Variants in GABRB1 observed in about 807,000 individuals in gnomAD.
GABRB1 encodes gamma-aminobutyric acid receptor subunit beta-1.
A neutral mutation model predicts 51.6 loss-of-function variants in GABRB1; 17 were observed. That is an observed-to-expected ratio of 0.33 (90% CI 0.23 to 0.49). The LOEUF is 0.49. GABRB1 is among the 20% of genes least tolerant of loss of function. The pLI is 0.99. For missense variants in GABRB1, 410 were observed against 600.6 expected, an observed-to-expected ratio of 0.68 and a Z score of 3.32; for synonymous variants, 247 against 218.9, an observed-to-expected ratio of 1.13 and a Z score of -1.14.
intron 3 of GABRB1, among the ~76,000 whole-genome samples, chr4:47,055,346 T>C (rs1207201718): frequency 6.6e-6 from 1 of 152,194 alleles, no homozygotes; most frequent in Non-Finnish European, 1.5e-5. Context: ...AACTTAATTA[T>C]GGGTTGGAAT....
At chr4:47,302,042 A>T (rs1724281188) in intron 4 of GABRB1, among the ~76,000 whole-genome samples, 1 of 152,172 alleles carries the variant, frequency 6.6e-6, no homozygotes, top group Admixed American at 6.5e-5. Flanking sequence ...AATATAAAGA[A>T]ATGTAGAGTG....
At chr4:47,401,802 A>G (rs933272850) in intron 5 of GABRB1, among the ~76,000 whole-genome samples, 1 of 63,256 alleles carries the variant, frequency 1.6e-5, no homozygotes, top group Non-Finnish European at 3.7e-5. Flanking sequence ...ATCAAATTCC[A>G]TCTATCTATC....
At chr4:47,256,065 T>C (rs1339078354) in intron 4 of GABRB1, among the ~76,000 whole-genome samples, 1 of 152,204 alleles carries the variant, frequency 6.6e-6, no homozygotes, top group Non-Finnish European at 1.5e-5. Context: ...GTGGGAAATC[T>C]GAAGCCTGGT....
chr4:47,164,281 AG>A (rs762765215), intron 4 of GABRB1, among the ~76,000 whole-genome samples: 187 of 152,218 alleles, frequency 1.2e-3, no homozygotes, highest in Non-Finnish European at 2.3e-3. Context: ...CCTATGTATT[AG>A]GGCATGTTCA....
At chr4:47,033,831 T>C (rs538616099) in intron 3 of GABRB1, among the ~76,000 whole-genome samples, 82 of 152,316 alleles carry the variant, frequency 5.4e-4, no homozygotes, top group African/African-American at 1.9e-3. Context: ...ATGTCTCTGA[T>C]TGTCGTGCTG....
chr4:47,353,675 A>T (rs576970057), intron 5 of GABRB1, among the ~76,000 whole-genome samples: 4 of 152,286 alleles, frequency 2.6e-5, no homozygotes, highest in South Asian at 2.1e-4. Flanking sequence ...TTTATTTTTC[A>T]TCAGGCATAC....
At chr4:47,029,604 A>G (rs1417218448), upstream of GABRB1, among the ~76,000 whole-genome samples, 2 of 152,026 alleles carry the variant, frequency 1.3e-5, no homozygotes, top group African/African-American at 2.4e-5. Flanking sequence ...AACTTTGTTC[A>G]TCTTTAGATC....
chr4:47,402,665 C>T lies in GABRB1; in HGVS notation c.545-653C>T, dbSNP rs76955858. 2.7e-3 allele frequency among the ~76,000 whole-genome samples: 404 copies of T among 152,172 alleles called. 1 individual carries two copies. Among genetic ancestry groups the T allele is most frequent in the African/African-American group, 8.5e-3 (355 of 41,524 alleles). ...TACAATCTACAGTTCCCTACACATT[C>T]CCCTTAAATTAACTAAAGTTCACTC... On this transcript the variant is annotated intron_variant, in intron 5 of 8. Transcript: ENST00000295454.
At chr4:47,095,550 G>T (rs1714379451) in intron 3 of GABRB1, among the ~76,000 whole-genome samples, 1 of 152,214 alleles carries the variant, frequency 6.6e-6, no homozygotes. Context: ...TACAGCCTTG[G>T]TGAGGCCTGG....
intron 3 of GABRB1, among the ~76,000 whole-genome samples, chr4:47,101,876 G>A (rs1714739762): frequency 6.6e-6 from 1 of 152,028 alleles, no homozygotes; most frequent in Non-Finnish European, 1.5e-5. Flanking sequence ...GAAAGAGAAT[G>A]AAAGGGCAGA....
upstream of GABRB1, chr4:47,031,284 A>C: frequency 7.5e-6 from 2 of 268,080 alleles, no homozygotes; most frequent in Non-Finnish European, 1.4e-5. Context: ...AGGCAGCCTT[A>C]GCCAGATCAC....
At chr4:47,149,313 G>T (rs1717324010) in intron 3 of GABRB1, among the ~76,000 whole-genome samples, 1 of 151,898 alleles carries the variant, frequency 6.6e-6, no homozygotes, top group Admixed American at 6.6e-5. Context: ...CATATTTTAG[G>T]CTACTTGATT....
chr4:47,132,567 A>G (rs1009128182), intron 3 of GABRB1, among the ~76,000 whole-genome samples: 3 of 152,218 alleles, frequency 2.0e-5, no homozygotes, highest in African/African-American at 7.2e-5. Context: ...ACTCCTGAAC[A>G]GTCAGTTAAA....
chr4:47,208,480 A>T (rs1720225923), intron 4 of GABRB1, among the ~76,000 whole-genome samples: 1 of 152,100 alleles, frequency 6.6e-6, no homozygotes, highest in African/African-American at 2.4e-5. Context: ...AAATGCCTCA[A>T]ATGTCAAATT....
At chr4:47,279,041 A>G (rs1290103958) in intron 4 of GABRB1, among the ~76,000 whole-genome samples, 2 of 152,068 alleles carry the variant, frequency 1.3e-5, no homozygotes, top group Non-Finnish European at 2.9e-5. Flanking sequence ...TAGAAGTGTG[A>G]TCTAAGCATA....
chr4:47,183,606 G>A (rs996082687), intron 4 of GABRB1, among the ~76,000 whole-genome samples: 5 of 151,330 alleles, frequency 3.3e-5, no homozygotes, highest in Non-Finnish European at 5.9e-5. Flanking sequence ...TCTTGACATG[G>A]AATGTCATAT....
At chr4:47,404,697 T>C (rs1377081394) in intron 7 of GABRB1, among the ~76,000 whole-genome samples, 1 of 152,198 alleles carries the variant, frequency 6.6e-6, no homozygotes, top group African/African-American at 2.4e-5. Context: ...CAGCCCCTTA[T>C]CAATCTTTGA....
chr4:47,014,135 A>T (rs1724666710), intron 1 of GABRB1, among the ~76,000 whole-genome samples: 4 of 152,162 alleles, frequency 2.6e-5, no homozygotes, highest in South Asian at 2.1e-4. Flanking sequence ...AACACTAGAG[A>T]TCTTATAATC....
At chr4:47,424,110 G>A (rs989879384) in intron 8 of GABRB1, among the ~76,000 whole-genome samples, 15 of 152,140 alleles carry the variant, frequency 9.9e-5, no homozygotes, top group African/African-American at 1.7e-4. Context: ...AGAGTCAGTC[G>A]CCATTTCTCT....
Sources: gnomAD v4.1 joint callset for allele counts (sites outside exome capture counted in the v4.1 genomes callset) on GRCh38, gnomAD v4.1.1 for gene constraint, MANE v1.5 for transcripts, NCBI Gene and HGNC (gene_info 2026-07-23, HGNC 2026-07-21) for gene names.